Variants in LHX8 observed in about 807,000 individuals in gnomAD.
The protein encoded by LHX8 is LIM/homeobox protein Lhx8.
LHX8 carries 12 observed loss-of-function variants against 40.3 expected under a neutral mutation model. The ratio of observed to expected loss-of-function variants is 0.30; its 90% CI spans 0.19 to 0.48. LHX8 has a LOEUF of 0.48. LHX8 is among the 20% of genes least tolerant of loss of function. The pLI, the probability that LHX8 is intolerant of heterozygous loss-of-function variation, is 0.99. For synonymous variants in LHX8, 179 were observed against 162.0 expected, an observed-to-expected ratio of 1.10 and a Z score of -0.80; for missense variants, 344 against 433.7, an observed-to-expected ratio of 0.79 and a Z score of 1.84.
the LHX8 span, among the ~76,000 whole-genome samples, chr1:75,167,621 A>C: frequency 2.0e-5 from 3 of 152,156 alleles, no homozygotes; most frequent in East Asian, 3.9e-4. Context: ...TCCTCAAAGG[A>C]TATCTCTACA....
the LHX8 span, among the ~76,000 whole-genome samples, chr1:75,195,667 G>A: frequency 6.6e-5 from 10 of 151,918 alleles, no homozygotes; most frequent in African/African-American, 2.4e-4. Flanking sequence ...CCCAGCTTCG[G>A]TCACTCATCA....
rs1355745902 is a variant in LHX8 at position 75,136,689 on chromosome 1, G to A, written c.75G>A (p.Leu25=). 1 of 1,544,740 alleles carries A rather than the reference G, an allele frequency of 6.5e-7. No homozygotes were observed. Among genetic ancestry groups the A allele is most frequent in the South Asian group, 1.2e-5 (1 of 84,008 alleles). The stretch of plus-strand genomic sequence containing the variant: ...GCAAAGGCGCCGGGGAAGAGGGACT[G>A]GTGAGTGCGGAGGGGCTCGCGTGCT... ...RTRKGAGEEG[L]VSPEGAGDED... Residue 25 remains leucine, a splice_region_variant and synonymous_variant, in exon 2 of 9, where the codon CTG becomes CTA. Transcript: ENST00000356261.
chr1:75,192,739 C>T, the LHX8 span, among the ~76,000 whole-genome samples: 2 of 152,098 alleles, frequency 1.3e-5, no homozygotes, highest in Non-Finnish European at 2.9e-5. Flanking sequence ...GTTGCCCAGG[C>T]TGGAGTGCAG....
Position 75,141,065 on chromosome 1 carries a change from T to C in LHX8, c.318T>C (p.Tyr106=), listed in dbSNP as rs1295103656. The C allele has an allele frequency of 1.2e-6, 2 of 1,613,590 alleles. No homozygotes were observed. Among genetic ancestry groups the C allele is most frequent in the East Asian group, 4.5e-5 (2 of 44,844 alleles). Residue 106 remains tyrosine, a synonymous_variant, in exon 4 of 9, where the codon TAT becomes TAC. Transcript: ENST00000356261. The part of the protein sequence containing the change: ...RTSLGRHTSC[Y]IKDKDIFCKL... ...CCCTAGGAAGGCACACCAGCTGTTA[T>C]ATTAAAGACAAAGACATTTTCTGCA...
chr1:75,162,464 C>G (rs1419784760), downstream of LHX8, among the ~76,000 whole-genome samples: 1 of 152,068 alleles, frequency 6.6e-6, no homozygotes, highest in Non-Finnish European at 1.5e-5. Flanking sequence ...ACAGCATTTC[C>G]CAGCTGACTA....
chr1:75,151,182 C>T (rs992318161), intron 7 of LHX8, among the ~76,000 whole-genome samples: 6 of 152,098 alleles, frequency 3.9e-5, no homozygotes, highest in African/African-American at 7.2e-5. Flanking sequence ...ATCACCTGTA[C>T]GAAGAAGCAG....
the LHX8 span, among the ~76,000 whole-genome samples, chr1:75,180,630 C>T: frequency 1.3e-5 from 2 of 152,136 alleles, no homozygotes; most frequent in Non-Finnish European, 2.9e-5. Flanking sequence ...GCAATGGGTT[C>T]GAACATCCTT....
At chr1:75,163,021 T>TC (rs1332324770), downstream of LHX8, among the ~76,000 whole-genome samples, 8 of 151,214 alleles carry the variant, frequency 5.3e-5, no homozygotes, top group Non-Finnish European at 1.2e-4. Flanking sequence ...AGGATACCTT[T>TC]TTTTTTTTTT....
At chr1:75,129,778 G>C (rs1647914371), upstream of LHX8, among the ~76,000 whole-genome samples, 1 of 152,174 alleles carries the variant, frequency 6.6e-6, no homozygotes, top group Non-Finnish European at 1.5e-5. Context: ...TGTGGAAGGG[G>C]AGGAGAAGCC....
chr1:75,135,141 G>A (rs1259592315), intron 1 of LHX8, among the ~76,000 whole-genome samples, 187 bp downstream of exon 1: 1 of 152,294 alleles, frequency 6.6e-6, no homozygotes, highest in African/African-American at 2.4e-5. Flanking sequence ...CGGGATCCCT[G>A]GGCTTGCCGG....
At chr1:75,176,198 G>T in the LHX8 span, among the ~76,000 whole-genome samples, 3 of 152,120 alleles carry the variant, frequency 2.0e-5, no homozygotes, top group Non-Finnish European at 4.4e-5. Context: ...GTAATGGGAT[G>T]GCTGGGTCAA....
the LHX8 span, among the ~76,000 whole-genome samples, chr1:75,194,884 C>T: frequency 3.9e-5 from 6 of 152,162 alleles, no homozygotes; most frequent in Non-Finnish European, 5.9e-5. Flanking sequence ...GATTCCCAAA[C>T]ATTCCTCTTT....
At chr1:75,175,723 G>A in the LHX8 span, among the ~76,000 whole-genome samples, 1 of 151,892 alleles carries the variant, frequency 6.6e-6, no homozygotes, top group Non-Finnish European at 1.5e-5. Context: ...TACACAACGT[G>A]CAGGTTTGGT....
the LHX8 span, among the ~76,000 whole-genome samples, chr1:75,170,227 A>G: frequency 3.3e-5 from 5 of 152,180 alleles, no homozygotes; most frequent in Non-Finnish European, 5.9e-5. Flanking sequence ...GTCACCTTGT[A>G]TGGTAATTGA....
At chr1:75,190,549 C>A in the LHX8 span, among the ~76,000 whole-genome samples, 1 of 152,144 alleles carries the variant, frequency 6.6e-6, no homozygotes, top group Non-Finnish European at 1.5e-5. Context: ...ATTTCTCAAC[C>A]AGATATCATT....
At chr1:75,146,141 T>C (rs888325661) in intron 6 of LHX8, among the ~76,000 whole-genome samples, 1 of 152,140 alleles carries the variant, frequency 6.6e-6, no homozygotes, top group African/African-American at 2.4e-5. Flanking sequence ...ATTGTCAAAC[T>C]CTCCTACATT....
chr1:75,148,730 A>G (rs752246456), intron 7 of LHX8, 48 bp downstream of exon 7: 2 of 1,309,648 alleles, frequency 1.5e-6, no homozygotes, highest in South Asian at 1.2e-5. Context: ...AAAAATAGAT[A>G]TTGGGTCTCC....
At chr1:75,160,437 G>A (rs57712081) in intron 8 of LHX8, 2,748 of 251,986 alleles carry the variant, frequency 0.011, 79 homozygotes, top group African/African-American at 0.058. Flanking sequence ...TAGGGAGGAG[G>A]TAATTAAACA....
the LHX8 span, among the ~76,000 whole-genome samples, chr1:75,189,381 AAACT>A: frequency 6.6e-6 from 1 of 152,214 alleles, no homozygotes; most frequent in African/African-American, 2.4e-5. Flanking sequence ...CCAGCCAAAC[AAACT>A]ATTAATTTAT....
Sources: allele counts gnomAD v4.1 joint callset (sites outside exome capture counted in the v4.1 genomes callset), GRCh38; gene constraint gnomAD v4.1.1; transcripts MANE v1.5; gene names NCBI Gene and HGNC (gene_info 2026-07-23, HGNC 2026-07-21).